The following NAGPA variants were observed in gnomAD, a reference collection of about 807,000 sequenced individuals.
The protein encoded by NAGPA is alpha-N-acetylglucosaminyl phosphodiesterase.
Under a neutral mutation model 48.5 loss-of-function variants are expected in NAGPA, and 56 were observed. That is an observed-to-expected ratio of 1.15 (90% CI 0.93 to 1.44). The LOEUF is 1.44. Ranked by LOEUF, NAGPA falls within the 40% of genes most tolerant of loss-of-function variation. The pLI is 0.00. For synonymous variants in NAGPA, 399 were observed against 315.5 expected (o/e 1.26, Z -2.81); for missense variants, 888 against 735.0 (o/e 1.21, Z -2.41).
chr16:5,030,481 T>C lies in NAGPA; in HGVS notation c.695A>G (p.Lys232Arg). Residue 232 changes from lysine to arginine, a missense_variant, in exon 4 of 10, where the codon AAA (lysine) becomes AGA (arginine). Lys to Arg is a conservative substitution (Grantham distance 26). Transcript: ENST00000312251. ...DETQETGSFS[K>R]FVNVISARTA... Reference sequence around the variant, plus strand: ...CCTGGCTGATATCACATTCACAAATTTGCTAAAGGAACCTGAAGGAAAAGC... The same window carrying C: ...CCTGGCTGATATCACATTCACAAATCTGCTAAAGGAACCTGAAGGAAAAGC... 1.3e-6 allele frequency: 2 copies of C among 1,553,460 alleles called. No individual in the cohort carries two copies. Among genetic ancestry groups the C allele is most frequent in the Non-Finnish European group, 1.7e-6 (2 of 1,147,804 alleles).
At position 5,033,572 on chromosome 16, in the gene NAGPA, G is replaced by C; in HGVS notation, c.243C>G (p.Phe81Leu). 2.0e-6 allele frequency: 3 copies of C among 1,500,898 alleles called. No homozygotes were observed. The highest frequency in any genetic ancestry group is 2.6e-6 in the Non-Finnish European group (3 of 1,134,534). The allele number at this position is 1,500,898 out of a possible 1,614,324, so 93.0% of individuals were successfully genotyped here. A position where few individuals can be genotyped will look rare whatever the true frequency, so the allele number is the denominator to read the frequency against. The part of the protein sequence containing the change: ...PGAGGLAVRT[F>L]VSHFRDRAVA... ...CCGCGCGGTCCCTGAAGTGCGACAC[G>C]AAGGTGCGCACGGCCAGACCGCCGG... is the stretch of plus-strand genomic sequence containing the variant. The change falls in exon 2 of 10, where the codon TTC (phenylalanine) becomes TTG (leucine). Residue 81 changes from phenylalanine to leucine, a missense_variant. Physicochemically the swap from Phe to Leu is conservative, Grantham distance 22 (BLOSUM62 0). Coordinates refer to ENST00000312251, the MANE Select transcript of NAGPA (RefSeq NM_016256.4). This position sits in a 1 kb window ranked among gnomAD's most constrained non-coding sequence, Gnocchi z 4.2.
At chr16:5,032,439 T>G (rs561384165) in intron 2 of NAGPA, among the ~76,000 whole-genome samples, 15 of 152,086 alleles carry the variant, frequency 9.9e-5, no homozygotes, top group Non-Finnish European at 2.2e-4. Flanking sequence ...GTGGATCACT[T>G]GAGGTCAGGA....
Position 5,033,676 on chromosome 16 carries a change from G to GGCGCGC in NAGPA, c.133_138dup (p.Ala45_Arg46dup). 2 of 1,591,568 alleles carry GGCGCGC rather than the reference G, an allele frequency of 1.3e-6. No homozygotes were observed. Among genetic ancestry groups the GGCGCGC allele is most frequent in the Non-Finnish European group, 1.7e-6 (2 of 1,173,484 alleles). Reference sequence around the variant, plus strand: ...CGCACCCGTGTGCAGTCCCGGGGGAGGCGCGCGCGCGCGCGTGGATAGGGC... The same window carrying GGCGCGC: ...CGCACCCGTGTGCAGTCCCGGGGGAGGCGCGCGCGCGCGCGCGCGCGTGGATAGGGC... On this transcript the variant is annotated inframe_insertion, in exon 2 of 10. Transcript: ENST00000312251. This position sits in a 1 kb window ranked among gnomAD's most constrained non-coding sequence, Gnocchi z 4.2.
rs1218011936 is a variant in NAGPA, at chr16:5,030,414, A to G, written c.762T>C (p.Phe254=). The G allele has an allele frequency of 1.1e-5, 17 of 1,552,714 alleles. No individual in the cohort carries two copies. Among genetic ancestry groups the G allele is most frequent in the Non-Finnish European group, 1.4e-5 (16 of 1,147,580 alleles). The part of the protein sequence containing the change: ...GHDRKGQLVL[F]HADGQTEQRG... Reference sequence around the variant, plus strand: ...GCTGCTCCGTTTGGCCGTCTGCATGAAAGAGCACCAGCTGCCCTTTCCGGT... The same window carrying G: ...GCTGCTCCGTTTGGCCGTCTGCATGGAAGAGCACCAGCTGCCCTTTCCGGT... The change falls in exon 4 of 10, where the codon TTT becomes TTC. Residue 254 remains phenylalanine, a synonymous_variant. Transcript: ENST00000312251.
At chr16:5,031,501 C>G (rs1473924633) in intron 3 of NAGPA, 1 of 533,082 alleles carries the variant, frequency 1.9e-6, no homozygotes, top group African/African-American at 1.9e-5. Context: ...CATCTCTCCC[C>G]TTTCCCCTAA....
chr16:5,026,039 C>T (rs1019787362), intron 9 of NAGPA, among the ~76,000 whole-genome samples: 3 of 151,898 alleles, frequency 2.0e-5, no homozygotes, highest in African/African-American at 7.2e-5. Context: ...AACGATTCCC[C>T]TGCCTTGGAC....
chr16:5,028,077 C>T lies in NAGPA; in HGVS notation c.1029G>A (p.Gly343=). ...DCHGHGTCVD[G]HCQCTGHFWR... Reference sequence around the variant, plus strand: ...AGAAGTGCCCGGTGCATTGGCAGTGCCCGTCCACGCAGGTCCCGTGGCCGT... The same window carrying T: ...AGAAGTGCCCGGTGCATTGGCAGTGTCCGTCCACGCAGGTCCCGTGGCCGT... Residue 343 remains glycine (G), a synonymous_variant, in exon 6 of 10, where the codon GGG becomes GGA. Transcript: ENST00000312251. 1 of 1,613,412 alleles carries T rather than the reference C, an allele frequency of 6.2e-7. No homozygotes were observed. Among genetic ancestry groups the T allele is most frequent in the Non-Finnish European group, 8.5e-7 (1 of 1,179,850 alleles).
chr16:5,027,513 C>G, intron 7 of NAGPA, 134 bp from the exon 8 acceptor site: 1 of 931,852 alleles, frequency 1.1e-6, no homozygotes, highest in South Asian at 1.5e-5. Flanking sequence ...GAAGCACCCC[C>G]TGCCCTCCCT....
chr16:5,031,760 C>A lies in NAGPA; in HGVS notation c.667G>T (p.Glu223Ter). 3.1e-6 allele frequency: 5 copies of A among 1,614,152 alleles called. No individual in the cohort carries two copies. Among genetic ancestry groups the A allele is most frequent in the Non-Finnish European group, 4.2e-6 (5 of 1,180,032 alleles). The part of the protein sequence containing the change: ...INESQATECD[E>*]TQETGSFSKF... ...CCCATCCAACCTGTCTCCTGTGTCT[C>A]GTCACACTCTGTGGCTTGGCTCTCG... is the stretch of plus-strand genomic sequence containing the variant. The change falls in exon 3 of 10, where the codon GAG becomes TAG. Residue 223 changes from glutamate to a stop codon, truncating the protein, a stop_gained. Transcript: ENST00000312251. LOFTEE classifies it high-confidence loss of function.
chr16:5,031,822 A>T lies in NAGPA; in HGVS notation c.605T>A (p.Val202Asp). The change falls in exon 3 of 10, where the codon GTC becomes GAC. Residue 202 changes from valine (V) to aspartate (D), a missense_variant. Physicochemically the swap from Val to Asp is radical, Grantham distance 152. Transcript: ENST00000312251. ...GCTTCCATTACGAATCAGCCACACG[A>T]CCCCACTCAGCAGCTGCACAAATGG... is the stretch of plus-strand genomic sequence containing the variant. ...ENPFVQLLSG[V>D]VWLIRNGSIY... 6.2e-7 allele frequency: 1 copy of T among 1,613,796 alleles called. No individual in the cohort carries two copies. Among genetic ancestry groups the T allele is most frequent in the Non-Finnish European group, 8.5e-7 (1 of 1,179,960 alleles).
Position 5,027,291 on chromosome 16 carries a change from G to A in NAGPA, c.1263C>T (p.Cys421=). Residue 421 remains cysteine, a synonymous_variant, in exon 8 of 10, where the codon TGC becomes TGT. Coordinates refer to ENST00000312251, the MANE Select transcript of NAGPA (RefSeq NM_016256.4). The stretch of plus-strand genomic sequence containing the variant: ...AGGGATAGGTACCTCTGGAGACGCT[G>A]CAGTTGCCAGTCTTGGGGTCACAGG... ...HCPCDPKTGN[C]SVSRVKQCLQ... 1 of 1,614,236 alleles carries A rather than the reference G, an allele frequency of 6.2e-7. No homozygotes were observed. The highest frequency in any genetic ancestry group is 8.5e-7 in the Non-Finnish European group (1 of 1,180,046).
chr16:5,028,277 T>C, intron 5 of NAGPA, 92 bp from the exon 6 acceptor site: 1 of 1,509,444 alleles, frequency 6.6e-7, no homozygotes, highest in Non-Finnish European at 8.9e-7. Flanking sequence ...CTCTCCATTC[T>C]CACCTGTCTA....
intron 7 of NAGPA, among the ~76,000 whole-genome samples, 174 bp from the exon 8 acceptor site, chr16:5,027,553 G>A (rs912276940): frequency 1.6e-4 from 24 of 152,190 alleles, no homozygotes; most frequent in Admixed American, 1.4e-3. Flanking sequence ...ACCTTATTTG[G>A]AAGCAGAATC....
chr16:5,033,339 A>T lies in NAGPA; in HGVS notation c.476T>A (p.Val159Glu). 1 of 1,590,648 alleles carries T rather than the reference A, an allele frequency of 6.3e-7. No individual in the cohort carries two copies. Among genetic ancestry groups the T allele is most frequent in the Non-Finnish European group, 8.5e-7 (1 of 1,176,968 alleles). Reference sequence around the variant, plus strand: ...GTTCTGCAGCCCCCCGGAGCTGCTCACCCGCCGCTCGTCGCTCACCACGTT... The same window carrying T: ...GTTCTGCAGCCCCCCGGAGCTGCTCTCCCGCCGCTCGTCGCTCACCACGTT... ...LGNVVSDERR[V>E]SSSGGLQNAQ... The change falls in exon 2 of 10, where the codon GTG becomes GAG. Residue 159 changes from valine to glutamate, a missense_variant. Val to Glu is a moderately radical substitution (Grantham distance 121). Coordinates refer to ENST00000312251, the MANE Select transcript of NAGPA (RefSeq NM_016256.4). The surrounding 1 kb of genome is among the most constrained non-coding windows in gnomAD (Gnocchi z 4.2).
chr16:5,033,240 C>A lies in NAGPA; in HGVS notation c.542+33G>T. On this transcript the variant is annotated intron_variant, in intron 2 of 9. Transcript: ENST00000312251. The surrounding 1 kb of genome is among the most constrained non-coding windows in gnomAD (Gnocchi z 4.2). ...TACAACCCAAATCTCAGGCCCTCTG[C>A]CCTCGACAGCACGGGGCTCCCTGCC... 6.4e-7 allele frequency: 1 copy of A among 1,564,314 alleles called. No homozygotes were observed. The highest frequency in any genetic ancestry group is 8.6e-7 in the Non-Finnish European group (1 of 1,163,822).
At chr16:5,032,225 G>C (rs539602157) in intron 2 of NAGPA, among the ~76,000 whole-genome samples, 4 of 152,176 alleles carry the variant, frequency 2.6e-5, no homozygotes, top group African/African-American at 7.2e-5. Flanking sequence ...TCCCTGTTAC[G>C]GCCCTTCATT....
In NAGPA at chr16:5,025,303, C is replaced by G. The variant is rs903695831; in HGVS notation, c.*175G>C. On this transcript the variant is annotated 3_prime_UTR_variant, in exon 10 of 10. Coordinates refer to ENST00000312251, the MANE Select transcript of NAGPA (RefSeq NM_016256.4). ...TGGTATTGCTAGGGTTGCAGGTGCC[C>G]TGGCAGGTGGCCAGGTGAGGGGCTG... 2.7e-6 allele frequency: 2 copies of G among 740,988 alleles called. No individual in the cohort carries two copies. Among genetic ancestry groups the G allele is most frequent in the East Asian group, 4.9e-5 (2 of 40,570 alleles). The allele number at this position is 740,988 out of a possible 1,614,324, so 45.9% of individuals were successfully genotyped here.
At chr16:5,028,276 C>G in intron 5 of NAGPA, 91 bp from the exon 6 acceptor site, 1 of 1,543,270 alleles carries the variant, frequency 6.5e-7, no homozygotes, top group Non-Finnish European at 8.8e-7. Context: ...TCTCTCCATT[C>G]TCACCTGTCT....
chr16:5,028,887 C>A lies in NAGPA; in HGVS notation c.913G>T (p.Asp305Tyr). 6.2e-7 allele frequency: 1 copy of A among 1,614,082 alleles called. No individual in the cohort carries two copies. The highest frequency in any genetic ancestry group is 8.5e-7 in the Non-Finnish European group (1 of 1,180,038). Residue 305 changes from aspartate to tyrosine, a missense_variant, in exon 5 of 10, where the codon GAT (aspartate) becomes TAT (tyrosine). Transcript: ENST00000312251. ...LNGTLASYPS[D>Y]HCQDNMWRCP... ...CGGCTCTCACGTGCTTACCAGTGAT[C>A]TGACGGGTAACTGGCCAAGGTCCCG...
Sources: allele counts gnomAD v4.1 joint callset (sites outside exome capture counted in the v4.1 genomes callset), GRCh38; gene constraint gnomAD v4.1.1; non-coding constraint Gnocchi (gnomAD v3.1); transcripts MANE v1.5; gene names NCBI Gene and HGNC (gene_info 2026-07-23, HGNC 2026-07-21).